Variants in LDLRAD4 observed in about 807,000 individuals in gnomAD.
LDLRAD4 encodes low-density lipoprotein receptor class A domain-containing protein 4.
A neutral mutation model predicts 17.0 loss-of-function variants in LDLRAD4; 5 were observed. That is an observed-to-expected ratio of 0.29 (90% confidence interval 0.15 to 0.62). The LOEUF (loss-of-function observed/expected upper bound fraction) is 0.62, where lower values mean the gene tolerates loss of function less well. Ranked by LOEUF, LDLRAD4 falls within the 20% of genes least tolerant of loss-of-function variation. The pLI, the probability that LDLRAD4 is intolerant of heterozygous loss-of-function variation, is 0.84. For missense variants in LDLRAD4, 340 were observed against 424.7 expected, an observed-to-expected ratio of 0.80 and a Z score of 1.75; for synonymous variants, 168 against 171.8, an observed-to-expected ratio of 0.98 and a Z score of 0.17.
rs1204794331 is a variant in LDLRAD4 at position 13,566,366 on chromosome 18, A to ACT, written c.182-54750_182-54749dup. Among the ~76,000 whole-genome samples, 4 of 57,010 alleles carry ACT rather than the reference A, an allele frequency of 7.0e-5. No homozygotes were observed. The East Asian group carries it at 3.6e-3, about 51-fold the overall frequency. The allele number at this position is 57,010 out of a possible 152,430, so 37.4% of individuals were successfully genotyped here. On this transcript the variant is annotated intron_variant, in intron 3 of 5. Coordinates refer to ENST00000359446, the Ensembl canonical transcript of LDLRAD4. ...ATTTTCAATAAAGAGCATGCCTTAG[A>ACT]CTTTTTTTTTTTTTTGAGACAGAGT...
At position 13,444,514 on chromosome 18, in the gene LDLRAD4, A is replaced by C. The variant is rs149390609; in HGVS notation, c.181+6130A>C. Among the ~76,000 whole-genome samples the C allele has an allele frequency of 3.0e-4, 46 of 152,348 alleles. 1 individual carries two copies. In the East Asian group the frequency reaches 8.5e-3, roughly 28 times the overall value. On this transcript the variant is annotated intron_variant, in intron 3 of 5. Coordinates refer to ENST00000359446, the Ensembl canonical transcript of LDLRAD4. The stretch of plus-strand genomic sequence containing the variant: ...GTCAACAGTAGGCTATTAGTAGTTA[A>C]GTTTTCGGGGAGTTGAAAGTTATAC...
In LDLRAD4 at chr18:13,320,520, C is replaced by G. The variant is rs143709284; in HGVS notation, c.-383+42332C>G. 2.6e-3 allele frequency among the ~76,000 whole-genome samples: 393 copies of G among 152,244 alleles called. 1 individual carries two copies. Among genetic ancestry groups the G allele is most frequent in the African/African-American group, 9.1e-3 (380 of 41,532 alleles). ...ATAATTCCTTATGGAAGAGTGAATC[C>G]CCTCTGATAGAGGGTAATCCTGACT... On this transcript the variant is annotated intron_variant, in intron 1 of 5. Transcript: ENST00000359446.
At chr18:13,420,746 C>T (rs1445283756) in intron 2 of LDLRAD4, 1 of 152,226 alleles carries the variant, frequency 6.6e-6, no homozygotes, top group East Asian at 1.9e-4. Flanking sequence ...CAAAGTGGTC[C>T]CTGGTCAGCC....
intron 1 of LDLRAD4, among the ~76,000 whole-genome samples, chr18:13,237,493 A>T (rs1156850384): frequency 6.6e-6 from 1 of 152,126 alleles, no homozygotes; most frequent in Non-Finnish European, 1.5e-5. Context: ...TGCATTGGAG[A>T]CAGAGGTGAT....
chr18:13,644,033 A>G (rs1601896547), intron 5 of LDLRAD4, among the ~76,000 whole-genome samples: 1 of 152,212 alleles, frequency 6.6e-6, no homozygotes, highest in Non-Finnish European at 1.5e-5. Flanking sequence ...ATAAATTATT[A>G]TAATCATATT....
intron 1 of LDLRAD4, among the ~76,000 whole-genome samples, chr18:13,265,208 C>T (rs1047397215): frequency 1.3e-5 from 2 of 152,186 alleles, no homozygotes; most frequent in Non-Finnish European, 2.9e-5. Context: ...CAGCCTCTGC[C>T]GTCTCTCCCC....
At chr18:13,344,788 G>T (rs1455746658) in intron 1 of LDLRAD4, among the ~76,000 whole-genome samples, 3 of 152,088 alleles carry the variant, frequency 2.0e-5, no homozygotes, top group African/African-American at 4.8e-5. Flanking sequence ...CCTTGAAGAG[G>T]TCCTTCACAT....
At chr18:13,506,846 A>G (rs1356725356) in intron 3 of LDLRAD4, among the ~76,000 whole-genome samples, 2 of 152,262 alleles carry the variant, frequency 1.3e-5, no homozygotes, top group African/African-American at 2.4e-5. Context: ...GTCACTGACC[A>G]TGGCACTCAT....
chr18:13,583,798 ATTG>A (rs1362323811), intron 3 of LDLRAD4, among the ~76,000 whole-genome samples: 1 of 151,900 alleles, frequency 6.6e-6, no homozygotes, highest in African/African-American at 2.4e-5. Context: ...GCGGAGTCTT[ATTG>A]TTGTGTCTCT....
chr18:13,445,550 CTATG>C (rs937779487), intron 3 of LDLRAD4, among the ~76,000 whole-genome samples: 3 of 89,170 alleles, frequency 3.4e-5, no homozygotes, highest in South Asian at 4.8e-4. Flanking sequence ...GTGTACATGT[CTATG>C]TGTGTGTTTG....
chr18:13,460,225 C>A (rs2092365011), intron 3 of LDLRAD4, among the ~76,000 whole-genome samples: 1 of 152,188 alleles, frequency 6.6e-6, no homozygotes, highest in African/African-American at 2.4e-5. Flanking sequence ...CAGGGCCTCA[C>A]TCTCTTGCCT....
intron 3 of LDLRAD4, among the ~76,000 whole-genome samples, chr18:13,609,063 C>A (rs1000761924): frequency 6.6e-6 from 1 of 152,160 alleles, no homozygotes; most frequent in Admixed American, 6.5e-5. Flanking sequence ...CATCAGAGTA[C>A]TTACGTGAAA....
intron 3 of LDLRAD4, among the ~76,000 whole-genome samples, chr18:13,533,799 A>T (rs1321435293): frequency 6.6e-6 from 1 of 152,206 alleles, no homozygotes; most frequent in Non-Finnish European, 1.5e-5. Flanking sequence ...TGGGAATTAA[A>T]GGGACTTTTA....
At chr18:13,421,468 T>C (rs12959988) in intron 2 of LDLRAD4, among the ~76,000 whole-genome samples, 91,492 of 151,950 alleles carry the variant, frequency 0.6, 28,007 homozygotes, top group Middle Eastern at 0.7. Flanking sequence ...TTTCCGTTTC[T>C]GAGTCCCCAC....
At chr18:13,633,658 G>A (rs2041858571) in intron 4 of LDLRAD4, among the ~76,000 whole-genome samples, 1 of 152,230 alleles carries the variant, frequency 6.6e-6, no homozygotes, top group African/African-American at 2.4e-5. Context: ...CAGTGCCCAG[G>A]CTCAGCCTCA....
intron 1 of LDLRAD4, among the ~76,000 whole-genome samples, chr18:13,349,039 C>A (rs112523377): frequency 1.3e-5 from 2 of 152,216 alleles, no homozygotes; most frequent in African/African-American, 4.8e-5. Flanking sequence ...GGCGATGCCT[C>A]GCCCTGCTTT....
chr18:13,465,437 C>A (rs1032297512), intron 3 of LDLRAD4, among the ~76,000 whole-genome samples: 2 of 152,188 alleles, frequency 1.3e-5, no homozygotes, highest in African/African-American at 4.8e-5. Flanking sequence ...GAGTTATGGA[C>A]AAATGCCCAT....
intron 1 of LDLRAD4, among the ~76,000 whole-genome samples, chr18:13,224,474 CTTTTTTTTTTTTTTTTTTTTTTT>C (rs1258498381): frequency 1.1e-5 from 1 of 87,880 alleles, no homozygotes; most frequent in East Asian, 3.5e-4. Context: ...TTCTTTCTTT[CTTTTTTTTTTTTTTTTTTTTTTT>C]GAGACGGAGT....
At chr18:13,503,149 C>G (rs1397511144) in intron 3 of LDLRAD4, among the ~76,000 whole-genome samples, 2 of 152,208 alleles carry the variant, frequency 1.3e-5, no homozygotes, top group Non-Finnish European at 2.9e-5. Flanking sequence ...GTATGTACAA[C>G]TGAAAGTGGA....
Sources: allele counts gnomAD v4.1 joint callset (sites outside exome capture counted in the v4.1 genomes callset), GRCh38; gene constraint gnomAD v4.1.1; transcripts MANE v1.5; gene names NCBI Gene and HGNC (gene_info 2026-07-23, HGNC 2026-07-21).